Variants in PRKCA observed in about 807,000 individuals in gnomAD.
The protein encoded by PRKCA is protein kinase C alpha.
Under a neutral mutation model 87.0 loss-of-function variants are expected in PRKCA, and 27 were observed. That is an observed-to-expected ratio of 0.31 (90% CI 0.23 to 0.43). The LOEUF (loss-of-function observed/expected upper bound fraction) is 0.43, where lower values mean the gene tolerates loss of function less well. PRKCA is among the 20% of genes least tolerant of loss of function. PRKCA has a pLI of 1.00. For missense variants in PRKCA, 518 were observed against 852.3 expected (o/e 0.61, Z 4.88); for synonymous variants, 329 against 311.1 (o/e 1.06, Z -0.61).
At chr17:66,391,487 T>C (rs1010214521) in intron 2 of PRKCA, among the ~76,000 whole-genome samples, 2 of 152,186 alleles carry the variant, frequency 1.3e-5, no homozygotes, top group African/African-American at 4.8e-5. Context: ...GACAGAGGCC[T>C]GTTCATCACT....
At chr17:66,796,544 C>T (rs891778014) in intron 16 of PRKCA, 106 of 985,210 alleles carry the variant, frequency 1.1e-4, no homozygotes, top group Non-Finnish European at 1.2e-4. Flanking sequence ...AAACTAACCC[C>T]ACTTTATAAC....
chr17:66,531,523 G>C (rs903998912), intron 3 of PRKCA, among the ~76,000 whole-genome samples: 7 of 152,160 alleles, frequency 4.6e-5, no homozygotes, highest in Non-Finnish European at 7.4e-5. Context: ...GGATGTAGGC[G>C]ATCGCTTCCT....
intron 3 of PRKCA, among the ~76,000 whole-genome samples, chr17:66,503,939 A>G (rs1279608889): frequency 6.6e-6 from 1 of 152,212 alleles, no homozygotes; most frequent in Non-Finnish European, 1.5e-5. Context: ...TCCTGAACTG[A>G]CACGGTAAAG....
intron 3 of PRKCA, among the ~76,000 whole-genome samples, chr17:66,519,107 A>G (rs375444878): frequency 6.6e-6 from 1 of 152,140 alleles, no homozygotes; most frequent in Admixed American, 6.5e-5. Flanking sequence ...TGCTATTTCT[A>G]TTGCAGATAG....
At chr17:66,341,287 C>G (rs1288343236) in intron 2 of PRKCA, among the ~76,000 whole-genome samples, 1 of 152,312 alleles carries the variant, frequency 6.6e-6, no homozygotes, top group South Asian at 2.1e-4. Context: ...ATTAAGTAAG[C>G]TCTTCAAAAT....
chr17:66,756,563 A>G lies in PRKCA; in HGVS notation c.1524+13803A>G, dbSNP rs184396989. 1.9e-3 allele frequency among the ~76,000 whole-genome samples: 289 copies of G among 152,262 alleles called. 1 individual carries two copies. Among genetic ancestry groups the G allele is most frequent in the African/African-American group, 6.7e-3 (277 of 41,560 alleles). On this transcript the variant is annotated intron_variant, in intron 13 of 16. Coordinates refer to ENST00000413366, the MANE Select transcript of PRKCA (RefSeq NM_002737.3). ...TACAGCACACTAAATGGCAAAAAAA[A>G]AAGAAAGCAATTTGAAGAGATGAAG...
At chr17:66,490,069 CCA>C (rs1429687115) in intron 2 of PRKCA, among the ~76,000 whole-genome samples, 1 of 152,168 alleles carries the variant, frequency 6.6e-6, no homozygotes, top group Non-Finnish European at 1.5e-5. Context: ...GTGTGAGCAA[CCA>C]CACCCAGCCC....
intron 2 of PRKCA, among the ~76,000 whole-genome samples, chr17:66,480,973 C>T (rs1471595172): frequency 6.6e-6 from 1 of 152,028 alleles, no homozygotes; most frequent in Middle Eastern, 3.2e-3. Context: ...CATGAGGTGG[C>T]CCAAGCCTCT....
intron 3 of PRKCA, among the ~76,000 whole-genome samples, chr17:66,517,482 GC>G (rs1967006396): frequency 6.6e-6 from 1 of 152,000 alleles, no homozygotes; most frequent in Non-Finnish European, 1.5e-5. Context: ...GCCCTTGAGG[GC>G]AAAACCTATC....
In PRKCA at chr17:66,805,884, TG is replaced by T. The variant is rs1490336054; in HGVS notation, c.*1848del. ...GGATGGGGAGACTCCCCTCTTGCTG[TG>T]TGTACTGGACACGCAGGAAGCATGC... On this transcript the variant is annotated 3_prime_UTR_variant, in exon 17 of 17. Transcript: ENST00000413366. The T allele has an allele frequency of 6.6e-6, 1 of 152,288 alleles. No individual in the cohort carries two copies. Among genetic ancestry groups the T allele is most frequent in the African/African-American group, 2.4e-5 (1 of 41,454 alleles). The allele number at this position is 152,288 out of a possible 1,614,324, so 9.4% of individuals were successfully genotyped here. A position where few individuals can be genotyped will look rare whatever the true frequency, so the allele number is the denominator to read the frequency against.
chr17:66,446,928 G>A (rs2143902453), intron 2 of PRKCA, among the ~76,000 whole-genome samples: 1 of 152,302 alleles, frequency 6.6e-6, no homozygotes, highest in East Asian at 1.9e-4. Context: ...AAAACTTCTA[G>A]CTTGCTTTGC....
At chr17:66,616,261 C>CT (rs1217555742) in intron 3 of PRKCA, among the ~76,000 whole-genome samples, 3 of 152,166 alleles carry the variant, frequency 2.0e-5, no homozygotes, top group African/African-American at 4.8e-5. Context: ...TCCAGTGGCT[C>CT]TAGGGGTCCT....
chr17:66,576,538 A>G (rs1322826320), intron 3 of PRKCA, among the ~76,000 whole-genome samples: 1 of 152,158 alleles, frequency 6.6e-6, no homozygotes, highest in Non-Finnish European at 1.5e-5. Flanking sequence ...TTTGATTCCT[A>G]TTGGTTTTTG....
At chr17:66,764,383 G>A (rs1974751725) in intron 13 of PRKCA, among the ~76,000 whole-genome samples, 1 of 152,164 alleles carries the variant, frequency 6.6e-6, no homozygotes. Context: ...GGTAGAGAGT[G>A]GAAGGCTGGG....
At chr17:66,585,232 A>T (rs915975718) in intron 3 of PRKCA, among the ~76,000 whole-genome samples, 1 of 152,144 alleles carries the variant, frequency 6.6e-6, no homozygotes, top group African/African-American at 2.4e-5. Flanking sequence ...GGCCAGCGCC[A>T]TGTTGCCTGC....
At chr17:66,779,295 TAAG>T (rs1481765039) in intron 14 of PRKCA, among the ~76,000 whole-genome samples, 1 of 152,186 alleles carries the variant, frequency 6.6e-6, no homozygotes, top group Non-Finnish European at 1.5e-5. Context: ...AGGGGGCAGT[TAAG>T]AATAAACAGC....
chr17:66,485,469 G>C (rs1915956165), intron 2 of PRKCA, among the ~76,000 whole-genome samples: 1 of 152,162 alleles, frequency 6.6e-6, no homozygotes, highest in Non-Finnish European at 1.5e-5. Context: ...TTTCATCCAT[G>C]CTGTGAGAGC....
At chr17:66,767,345 C>T (rs1374186471) in intron 13 of PRKCA, among the ~76,000 whole-genome samples, 1 of 152,168 alleles carries the variant, frequency 6.6e-6, no homozygotes, top group Admixed American at 6.5e-5. Flanking sequence ...TTTCCAAGAA[C>T]TTACTGCTGG....
chr17:66,365,129 A>T (rs906192891), intron 2 of PRKCA, among the ~76,000 whole-genome samples: 2 of 152,230 alleles, frequency 1.3e-5, no homozygotes, highest in African/African-American at 4.8e-5. Flanking sequence ...TGAAGTTCCT[A>T]GAATAGGCTC....
Sources: gnomAD v4.1 joint callset for allele counts (sites outside exome capture counted in the v4.1 genomes callset) on GRCh38, gnomAD v4.1.1 for gene constraint, MANE v1.5 for transcripts, NCBI Gene and HGNC (gene_info 2026-07-23, HGNC 2026-07-21) for gene names.